The following SSBP3 variants were observed in gnomAD, a reference collection of about 807,000 sequenced individuals.
SSBP3 encodes single stranded DNA binding protein 3, also known as single-stranded DNA-binding protein 3.
Under a neutral mutation model 69.6 loss-of-function variants are expected in SSBP3, and 5 were observed. The observed-to-expected ratio is 0.07, with a 90% CI of 0.04 to 0.15. The LOEUF is 0.15. SSBP3 is among the 10% of genes least tolerant of loss of function. The pLI is 1.00. For missense variants in SSBP3, 312 were observed against 534.0 expected (o/e 0.58, Z 4.10); for synonymous variants, 196 against 193.4 (o/e 1.01, Z -0.11).
chr1:54,396,543 G>C (rs555824762), intron 4 of SSBP3, among the ~76,000 whole-genome samples: 1 of 152,012 alleles, frequency 6.6e-6, no homozygotes, highest in Non-Finnish European at 1.5e-5. Context: ...TCATGGGAAG[G>C]GGGCCAGGCA....
At chr1:54,340,075 G>C (rs963457937) in intron 4 of SSBP3, among the ~76,000 whole-genome samples, 1 of 152,086 alleles carries the variant, frequency 6.6e-6, no homozygotes. Context: ...CCCACCTAGA[G>C]GATAAGCGCC....
rs893992114 is a variant in SSBP3, at chr1:54,242,026, G to A, written c.765+138C>T. 38 of 1,009,486 alleles carry A rather than the reference G, an allele frequency of 3.8e-5. No individual in the cohort carries two copies. In the East Asian group the frequency reaches 4.4e-4, roughly 12 times the overall value. 62.5% of individuals were successfully genotyped at this position (1,009,486 alleles called of 1,614,324 possible). ...TACTCCCAGGCCTCCACCTCCACAC[G>A]GCCTTCTCCCTAGAAGCATCAGGAG... On this transcript the variant is annotated intron_variant, in intron 11 of 17. Transcript: ENST00000610401.
At chr1:54,413,449 G>C (rs1337182239) in exon 1 of SSBP3, 1 of 152,306 alleles carries the variant, frequency 6.6e-6, no homozygotes, top group African/African-American at 2.4e-5. Flanking sequence ...AAGGGCAGAG[G>C]ATGTCTGTCA....
chr1:54,320,832 G>A (rs1319173589), intron 4 of SSBP3, among the ~76,000 whole-genome samples: 1 of 152,196 alleles, frequency 6.6e-6, no homozygotes, highest in Non-Finnish European at 1.5e-5. Flanking sequence ...GGAAACTGCA[G>A]CAACTAGAAC....
At chr1:54,381,144 G>A (rs558222130) in intron 4 of SSBP3, among the ~76,000 whole-genome samples, 1 of 152,084 alleles carries the variant, frequency 6.6e-6, no homozygotes, top group South Asian at 2.1e-4. Flanking sequence ...CAGCACTCTG[G>A]GAGGCCGAGG....
chr1:54,302,778 G>A (rs1645826107), intron 4 of SSBP3, among the ~76,000 whole-genome samples: 1 of 152,200 alleles, frequency 6.6e-6, no homozygotes, highest in Non-Finnish European at 1.5e-5. Context: ...GGCTGCATGG[G>A]GGCTCAGAAA....
At chr1:54,375,043 A>G (rs1234626768) in intron 4 of SSBP3, among the ~76,000 whole-genome samples, 1 of 152,148 alleles carries the variant, frequency 6.6e-6, no homozygotes, top group Non-Finnish European at 1.5e-5. Flanking sequence ...CAAAAAAGGC[A>G]GTAGAGGAGG....
At chr1:54,241,643 C>A in intron 11 of SSBP3, 134 bp from the exon 12 acceptor site, 1 of 913,014 alleles carries the variant, frequency 1.1e-6, no homozygotes. Context: ...CACTTGGTTC[C>A]CCTGGGAGGG....
intron 5 of SSBP3, among the ~76,000 whole-genome samples, chr1:54,275,516 A>C (rs1645268875): frequency 1.3e-5 from 2 of 152,192 alleles, no homozygotes; most frequent in African/African-American, 4.8e-5. Flanking sequence ...CATTTGGCTC[A>C]GCTTTTGGGA....
intron 4 of SSBP3, among the ~76,000 whole-genome samples, chr1:54,366,470 T>TG (rs1340850770): frequency 8.5e-5 from 13 of 152,238 alleles, no homozygotes; most frequent in African/African-American, 3.1e-4. Context: ...CAGACTAGTA[T>TG]GCTGCTATTA....
chr1:54,343,927 T>C (rs1646649295), intron 4 of SSBP3, among the ~76,000 whole-genome samples: 1 of 152,236 alleles, frequency 6.6e-6, no homozygotes. Context: ...TCCGGAATTT[T>C]AGAAGAGGAC....
intron 14 of SSBP3, among the ~76,000 whole-genome samples, chr1:54,235,303 A>G (rs1332391392): frequency 2.4e-5 from 3 of 126,236 alleles, no homozygotes; most frequent in Admixed American, 9.3e-5. Flanking sequence ...TTTTTTTGAG[A>G]CAGAGTCTCA....
chr1:54,302,003 T>C (rs1160096567), intron 4 of SSBP3, among the ~76,000 whole-genome samples: 3 of 151,168 alleles, frequency 2.0e-5, no homozygotes, highest in Non-Finnish European at 4.4e-5. Flanking sequence ...GCACGAACTA[T>C]GCAATCCTCT....
At chr1:54,291,703 C>T (rs1645611281) in intron 4 of SSBP3, among the ~76,000 whole-genome samples, 1 of 152,186 alleles carries the variant, frequency 6.6e-6, no homozygotes, top group Admixed American at 6.5e-5. Context: ...CTGCTGCCTG[C>T]TCAGAGGGTT....
chr1:54,354,100 C>G lies in SSBP3; in HGVS notation c.276+47761G>C, dbSNP rs755525264. On this transcript the variant is annotated intron_variant, in intron 4 of 17. Coordinates refer to ENST00000610401, the Ensembl canonical transcript of SSBP3. ...GGATGCCCAACAAAAGATGGGACTC[C>G]CATTTCACTATCTGCAACCTGATCT... Among the ~76,000 whole-genome samples the G allele has an allele frequency of 1.4e-4, 22 of 152,336 alleles. 1 individual carries two copies. Among genetic ancestry groups the G allele is most frequent in the Middle Eastern group, 3.4e-3 (1 of 294 alleles).
At chr1:54,367,079 G>A (rs186925890) in intron 4 of SSBP3, among the ~76,000 whole-genome samples, 9 of 152,314 alleles carry the variant, frequency 5.9e-5, no homozygotes, top group South Asian at 2.1e-4. Flanking sequence ...ACAGTGCCAC[G>A]CATACCAGAG....
intron 5 of SSBP3, among the ~76,000 whole-genome samples, chr1:54,268,473 A>T (rs1353177316): frequency 6.6e-6 from 1 of 151,880 alleles, no homozygotes; most frequent in African/African-American, 2.4e-5. Flanking sequence ...CTGCCCCTTC[A>T]CCCCCGACAG....
At chr1:54,401,012 G>T (rs542469990) in intron 4 of SSBP3, among the ~76,000 whole-genome samples, 13 of 152,312 alleles carry the variant, frequency 8.5e-5, no homozygotes, top group African/African-American at 3.1e-4. Context: ...TACAGGGCTA[G>T]CAAGAAGAAC....
At chr1:54,226,061 A>G (rs536789563) in exon 18 of SSBP3, 1 of 152,392 alleles carries the variant, frequency 6.6e-6, no homozygotes, top group South Asian at 2.1e-4. Context: ...TCTCGGGACC[A>G]GAACGCGGAG....
Sources: gnomAD v4.1 joint callset for allele counts (sites outside exome capture counted in the v4.1 genomes callset) on GRCh38, gnomAD v4.1.1 for gene constraint, MANE v1.5 for transcripts, NCBI Gene and HGNC (gene_info 2026-07-23, HGNC 2026-07-21) for gene names.